The following UBN1 variants were observed in gnomAD, a reference collection of about 807,000 sequenced individuals.
The protein encoded by UBN1 is ubinuclein 1.
Under a neutral mutation model 108.5 loss-of-function variants are expected in UBN1, and 17 were observed. That is an observed-to-expected ratio of 0.16 (90% CI 0.11 to 0.24). The LOEUF is 0.24. Ranked by LOEUF, UBN1 falls within the 10% of genes least tolerant of loss-of-function variation. The probability of loss-of-function intolerance (pLI) is 1.00; values close to 1 mark genes in which losing one functional copy is unlikely to be tolerated. For synonymous variants in UBN1, 726 were observed against 564.2 expected, an observed-to-expected ratio of 1.29 and a Z score of -4.07; for missense variants, 1,595 against 1,394.4, an observed-to-expected ratio of 1.14 and a Z score of -2.29.
chr16:4,849,770 A>AT (rs917764551), intron 1 of UBN1, among the ~76,000 whole-genome samples: 1 of 151,506 alleles, frequency 6.6e-6, no homozygotes, highest in Non-Finnish European at 1.5e-5. Flanking sequence ...TTTAAAAAAA[A>AT]TTTTTTTGTG....
In UBN1 at chr16:4,874,418, G is replaced by T; in HGVS notation, c.2008G>T (p.Ala670Ser). ...GGATGAAGACTTGATCCGCAATCCA[G>T]CCTCCTCGGTGGAAGCCGTGTCCAA... ...SLDEDLIRNP[A>S]SSVEAVSKEL... The change falls in exon 15 of 18, where the codon GCC becomes TCC. Residue 670 changes from alanine to serine, a missense_variant. Ala to Ser is a moderately conservative substitution (Grantham distance 99). Transcript: ENST00000262376. 1.2e-6 allele frequency: 2 copies of T among 1,614,066 alleles called. No homozygotes were observed. Among genetic ancestry groups the T allele is most frequent in the East Asian group, 2.2e-5 (1 of 44,876 alleles).
chr16:4,864,120 A>C (rs1290797904), intron 7 of UBN1, among the ~76,000 whole-genome samples: 6 of 121,498 alleles, frequency 4.9e-5, no homozygotes. Context: ...TGACTCCATC[A>C]CCCAGGCTGG....
In UBN1 at chr16:4,873,020, C is replaced by T. The variant is rs1338559067; in HGVS notation, c.1758-11C>T. The T allele has an allele frequency of 1.2e-6, 2 of 1,614,178 alleles. No homozygotes were observed. The highest frequency in any genetic ancestry group is 1.7e-6 in the Non-Finnish European group (2 of 1,180,032). ...TTCTCTAAACTTTTCTGTGCTCATTCCTTTGAACAGGGCCAAGAAGAAAGT... is the reference window on the plus strand; with the variant it reads ...TTCTCTAAACTTTTCTGTGCTCATTTCTTTGAACAGGGCCAAGAAGAAAGT... On this transcript the variant is annotated splice_polypyrimidine_tract_variant and intron_variant, in intron 13 of 17. Coordinates refer to ENST00000262376, the MANE Select transcript of UBN1 (RefSeq NM_001079514.3).
rs1217923189 is a variant in UBN1 at position 4,860,996 on chromosome 16, G to C, written c.1004G>C (p.Gly335Ala). Residue 335 changes from glycine to alanine, a missense_variant, in exon 7 of 18, where the codon GGA (glycine) becomes GCA (alanine). Gly to Ala is a moderately conservative substitution (Grantham distance 60). Around this residue, in one of 3 missense-constraint regions of UBN1, gnomAD observed 1,398 missense variants for 1,194.7 expected, o/e 1.17. Coordinates refer to ENST00000262376, the MANE Select transcript of UBN1 (RefSeq NM_001079514.3). ...EGSPFRDMDD[G>A]SDSLGVGLDQ... Reference sequence around the variant, plus strand: ...AGTCCCTTCCGAGATATGGATGATGGAAGTGATTCCCTTGGGGTGGGATTG... The same window carrying C: ...AGTCCCTTCCGAGATATGGATGATGCAAGTGATTCCCTTGGGGTGGGATTG... 1 of 1,614,150 alleles carries C rather than the reference G, an allele frequency of 6.2e-7. No individual in the cohort carries two copies. The highest frequency in any genetic ancestry group is 8.5e-7 in the Non-Finnish European group (1 of 1,180,064).
Position 4,858,603 on chromosome 16 carries a change from C to G in UBN1, c.372C>G (p.Asp124Glu). The G allele has an allele frequency of 6.2e-7, 1 of 1,614,174 alleles. No individual in the cohort carries two copies. Among genetic ancestry groups the G allele is most frequent in the Non-Finnish European group, 8.5e-7 (1 of 1,180,018 alleles). The change falls in exon 4 of 18, where the codon GAC (aspartate) becomes GAG (glutamate). Residue 124 changes from aspartate (D) to glutamate (E), a missense_variant. By Grantham distance (45) the Asp-to-Glu change is conservative (BLOSUM62 2). Transcript: ENST00000262376. ...AACGTAGAAAAGACCGAATACAGGA[C>G]TTGATCGATATGGGGTATGGTTATG... ...GKKRRKDRIQ[D>E]LIDMGYGYDE... is the part of the protein sequence containing the mutation.
chr16:4,860,808 A>G lies in UBN1; in HGVS notation c.816A>G (p.Pro272=). 1 of 1,614,288 alleles carries G rather than the reference A, an allele frequency of 6.2e-7. No individual in the cohort carries two copies. Among genetic ancestry groups the G allele is most frequent in the Admixed American group, 1.7e-5 (1 of 60,036 alleles). ...REEEHKPVAV[P]SAEAQGLREL... ...AGGAGCATAAGCCTGTTGCGGTCCC[A>G]TCAGCGGAAGCTCAGGGCCTGCGGG... Residue 272 remains proline, a synonymous_variant, in exon 7 of 18, where the codon CCA becomes CCG. Transcript: ENST00000262376.
chr16:4,870,098 A>C, intron 8 of UBN1, 114 bp from the exon 9 acceptor site: 1 of 1,501,126 alleles, frequency 6.7e-7, no homozygotes, highest in Non-Finnish European at 9.0e-7. Context: ...TGTGACCAAC[A>C]AGACAGGGTT....
chr16:4,849,596 C>CTTTTTTTTT (rs372351491), intron 1 of UBN1, among the ~76,000 whole-genome samples: 22 of 150,698 alleles, frequency 1.5e-4, no homozygotes, highest in African/African-American at 3.4e-4. Context: ...TTGTTTTTTT[C>CTTTTTTTTT]TTTTTTTTGT....
chr16:4,849,215 G>A (rs1283472337), intron 1 of UBN1, among the ~76,000 whole-genome samples: 1 of 152,166 alleles, frequency 6.6e-6, no homozygotes, highest in African/African-American at 2.4e-5. Context: ...TAGATAATAA[G>A]AATATATTGC....
rs762334723 is a variant in UBN1 at position 4,860,771 on chromosome 16, A to G, written c.779A>G (p.Lys260Arg). The G allele has an allele frequency of 1.2e-6, 2 of 1,614,272 alleles. No individual in the cohort carries two copies. The highest frequency in any genetic ancestry group is 1.7e-6 in the Non-Finnish European group (2 of 1,180,050). ...KKFQKEKEAQ[K>R]KREEEHKPVA... ...TTTCAGAAAGAGAAAGAGGCTCAGA[A>G]AAAAAGGGAGGAGGAGCATAAGCCT... is the stretch of plus-strand genomic sequence containing the variant. The change falls in exon 7 of 18, where the codon AAA becomes AGA. Residue 260 changes from lysine (K) to arginine (R), a missense_variant. By Grantham distance (26) the Lys-to-Arg change is conservative. Transcript: ENST00000262376.
chr16:4,852,894 A>G lies in UBN1; in HGVS notation c.-24A>G. 2 of 1,601,278 alleles carry G rather than the reference A, an allele frequency of 1.2e-6. No individual in the cohort carries two copies. Among genetic ancestry groups the G allele is most frequent in the Non-Finnish European group, 1.7e-6 (2 of 1,171,636 alleles). ...ATGTTAACAGAAGCCATGCAGTGAC[A>G]CCCGCTAAGACTTGTTGGTAGCCAT... On this transcript the variant is annotated 5_prime_UTR_variant, in exon 2 of 18. Coordinates refer to ENST00000262376, the MANE Select transcript of UBN1 (RefSeq NM_001079514.3).
intron 1 of UBN1, among the ~76,000 whole-genome samples, chr16:4,848,563 A>G (rs1008460303): frequency 1.3e-5 from 2 of 152,160 alleles, no homozygotes; most frequent in Non-Finnish European, 2.9e-5. Flanking sequence ...TTTCGGTTGC[A>G]AGTCGGTGTT....
rs536081266 is a variant in UBN1, at chr16:4,867,839, C to G, written c.1111-994C>G. 3.3e-5 allele frequency among the ~76,000 whole-genome samples: 5 copies of G among 152,222 alleles called. No individual in the cohort carries two copies. In the East Asian group the frequency reaches 9.7e-4, roughly 29 times the overall value. Reference sequence around the variant, plus strand: ...TGATCCCTTCATTCTAGATAGTCACCTTATCACCCTTGTTTGCTGTCGTTA... The same window carrying G: ...TGATCCCTTCATTCTAGATAGTCACGTTATCACCCTTGTTTGCTGTCGTTA... On this transcript the variant is annotated intron_variant, in intron 7 of 17. Transcript: ENST00000262376.
chr16:4,870,739 T>C (rs1247113824), intron 10 of UBN1, 105 bp downstream of exon 10: 1 of 1,587,902 alleles, frequency 6.3e-7, no homozygotes, highest in South Asian at 1.1e-5. Flanking sequence ...TTGGCTCTTC[T>C]TTGGCCTTTT....
At chr16:4,879,289 C>T (rs1444810040) in intron 17 of UBN1, among the ~76,000 whole-genome samples, 2 of 152,084 alleles carry the variant, frequency 1.3e-5, no homozygotes, top group African/African-American at 2.4e-5. Flanking sequence ...TATTATGAGT[C>T]AGTTTTTAAA....
chr16:4,849,637 G>A (rs1490012515), intron 1 of UBN1, among the ~76,000 whole-genome samples: 4 of 151,204 alleles, frequency 2.6e-5, no homozygotes, highest in Admixed American at 2.6e-4. Context: ...TGTCGCCCAG[G>A]CTGGAGTGCA....
chr16:4,853,937 C>T (rs1001257351), intron 2 of UBN1, among the ~76,000 whole-genome samples: 4 of 152,116 alleles, frequency 2.6e-5, no homozygotes, highest in African/African-American at 7.2e-5. Context: ...TTTATCAGGA[C>T]CCCAGAAACC....
intron 17 of UBN1, among the ~76,000 whole-genome samples, chr16:4,879,651 T>C (rs1347847034): frequency 6.6e-6 from 1 of 152,250 alleles, no homozygotes; most frequent in Non-Finnish European, 1.5e-5. Context: ...TGCTTTCCTT[T>C]CTTTCTTCTG....
chr16:4,849,305 G>A (rs1009594216), intron 1 of UBN1, among the ~76,000 whole-genome samples: 1 of 152,120 alleles, frequency 6.6e-6, no homozygotes, highest in African/African-American at 2.4e-5. Context: ...AGGGAAGACA[G>A]AATTCTCATT....
Sources: gnomAD v4.1 joint callset for allele counts (sites outside exome capture counted in the v4.1 genomes callset) on GRCh38, gnomAD v4.1.1 for gene constraint, gnomAD v4.1.1 regional missense constraint, MANE v1.5 for transcripts, NCBI Gene and HGNC (gene_info 2026-07-23, HGNC 2026-07-21) for gene names.